GPCPD1: variants seen among roughly 807,000 people sequenced by gnomAD.
The protein encoded by GPCPD1 is glycerophosphocholine phosphodiesterase GPCPD1.
GPCPD1 carries 29 observed loss-of-function variants against 89.2 expected under a neutral mutation model. The observed-to-expected ratio is 0.33, with a 90% CI of 0.24 to 0.44. The LOEUF (loss-of-function observed/expected upper bound fraction) is 0.44. Ranked by LOEUF, GPCPD1 falls within the 20% of genes least tolerant of loss-of-function variation. The pLI is 1.00. For missense variants in GPCPD1, 594 were observed against 808.9 expected (o/e 0.73, Z 3.22); for synonymous variants, 258 against 266.3 (o/e 0.97, Z 0.30).
At chr20:5,593,229 C>T in intron 4 of GPCPD1, 98 bp downstream of exon 4, 1 of 664,594 alleles carries the variant, frequency 1.5e-6, no homozygotes, top group Admixed American at 2.4e-5. Flanking sequence ...CTTATTTGAC[C>T]AAAGCAAATG....
intron 4 of GPCPD1, among the ~76,000 whole-genome samples, chr20:5,587,360 TATATTACAC>T (rs1370298077): frequency 6.6e-6 from 1 of 152,090 alleles, no homozygotes; most frequent in African/African-American, 2.4e-5. Flanking sequence ...TTCTAGGCAT[TATATTACAC>T]ATACTCTTTT....
intron 10 of GPCPD1, 43 bp downstream of exon 10, chr20:5,575,370 T>TA: frequency 6.9e-7 from 1 of 1,450,450 alleles, no homozygotes; most frequent in Non-Finnish European, 9.5e-7. Flanking sequence ...CTACCGAACA[T>TA]AAGCTACACC....
intron 1 of GPCPD1, among the ~76,000 whole-genome samples, chr20:5,610,096 T>C (rs1044886446): frequency 4.6e-5 from 7 of 152,186 alleles, no homozygotes; most frequent in Non-Finnish European, 7.3e-5. Context: ...TCCTCTACAA[T>C]TCATGCCCGA....
At chr20:5,551,843 G>A (rs946383424) in intron 19 of GPCPD1, among the ~76,000 whole-genome samples, 19 of 152,162 alleles carry the variant, frequency 1.2e-4, no homozygotes, top group Admixed American at 7.2e-4. Flanking sequence ...AAAATGATAT[G>A]TAGCAGTTGA....
Position 5,564,195 on chromosome 20 carries a change from T to C in GPCPD1, c.1329+822A>G, listed in dbSNP as rs148613063. Among the ~76,000 whole-genome samples, 777 of 152,228 alleles carry C rather than the reference T, an allele frequency of 5.1e-3. 3 individuals carry two copies. Among genetic ancestry groups the C allele is most frequent in the Non-Finnish European group, 7.6e-3 (518 of 68,026 alleles). Reference sequence around the variant, plus strand: ...AGTTTTTAAGTCTTCATGCTAGTTTTTGTGTGAAGATCTATTTTTTCAGAG... The same window carrying C: ...AGTTTTTAAGTCTTCATGCTAGTTTCTGTGTGAAGATCTATTTTTTCAGAG... On this transcript the variant is annotated intron_variant, in intron 15 of 19. Transcript: ENST00000379019.
intron 10 of GPCPD1, chr20:5,574,244 T>A (rs893856659): frequency 7.5e-6 from 3 of 398,750 alleles, no homozygotes; most frequent in African/African-American, 6.2e-5. Context: ...TGGAGACATG[T>A]AAAGTGATCA....
At chr20:5,561,583 TAAGAA>T in intron 15 of GPCPD1, 53 bp from the exon 16 acceptor site, 1 of 812,984 alleles carries the variant, frequency 1.2e-6, no homozygotes, top group Non-Finnish European at 2.1e-6. Flanking sequence ...GATAGCAGAA[TAAGAA>T]AACAAAAAAA....
chr20:5,551,032 ATTAC>A (rs1371502693), intron 19 of GPCPD1, among the ~76,000 whole-genome samples: 4 of 152,218 alleles, frequency 2.6e-5, no homozygotes, highest in African/African-American at 9.6e-5. Flanking sequence ...GAACTGGCAT[ATTAC>A]TTAAATATGG....
intron 12 of GPCPD1, among the ~76,000 whole-genome samples, chr20:5,569,148 C>G (rs986224696): frequency 6.7e-6 from 1 of 149,834 alleles, no homozygotes; most frequent in African/African-American, 2.4e-5. Flanking sequence ...CTCCTAATAC[C>G]ATTTCGCAGA....
intron 12 of GPCPD1, among the ~76,000 whole-genome samples, chr20:5,569,570 T>C (rs2122629295): frequency 6.6e-6 from 1 of 152,166 alleles, no homozygotes; most frequent in South Asian, 2.1e-4. Context: ...ACCTTTCCTG[T>C]AGCCCACATT....
chr20:5,555,662 C>G (rs891919726), intron 19 of GPCPD1, among the ~76,000 whole-genome samples: 3 of 152,178 alleles, frequency 2.0e-5, no homozygotes, highest in African/African-American at 7.2e-5. Flanking sequence ...AGTTCAAGAA[C>G]CTGGCCAACA....
chr20:5,563,192 G>C (rs1163334053), intron 15 of GPCPD1, among the ~76,000 whole-genome samples: 1 of 152,056 alleles, frequency 6.6e-6, no homozygotes, highest in African/African-American at 2.4e-5. Context: ...TGTTAGCCAG[G>C]ATGATCTTGA....
At position 5,567,588 on chromosome 20, in the gene GPCPD1, A is replaced by T. The variant is rs377719612; in HGVS notation, c.1150-28T>A. 7.8e-5 allele frequency: 118 copies of T among 1,522,532 alleles called. No individual in the cohort carries two copies. The African/African-American group carries it at 1.6e-3, about 20-fold the overall frequency. 94.3% of individuals were successfully genotyped at this position (1,522,532 alleles called of 1,614,324 possible). On this transcript the variant is annotated intron_variant, in intron 12 of 19. Transcript: ENST00000379019. ...AAAAAAAAAAAAAAAAGAAAGAAAG[A>T]AAAAGAAAGAATAAAGAAAATTAAG...
chr20:5,583,485 C>T (rs1978699651), intron 6 of GPCPD1, among the ~76,000 whole-genome samples: 1 of 151,506 alleles, frequency 6.6e-6, no homozygotes, highest in Non-Finnish European at 1.5e-5. Flanking sequence ...GGGTCGGAGG[C>T]TGCAGTGAGC....
At chr20:5,594,041 A>T (rs1169303829) in intron 3 of GPCPD1, among the ~76,000 whole-genome samples, 1 of 152,220 alleles carries the variant, frequency 6.6e-6, no homozygotes, top group Non-Finnish European at 1.5e-5. Flanking sequence ...TCTCTGAACT[A>T]TGTTATTCTA....
At chr20:5,554,939 T>C (rs775700031) in intron 19 of GPCPD1, among the ~76,000 whole-genome samples, 32 of 152,200 alleles carry the variant, frequency 2.1e-4, no homozygotes, top group Non-Finnish European at 8.8e-5. Context: ...TCCTCATAGA[T>C]GCCAGAGGGG....
Position 5,560,073 on chromosome 20 carries a change from C to T in GPCPD1, c.1399G>A (p.Gly467Arg). The change falls in exon 17 of 20, where the codon GGA becomes AGA. Residue 467 changes from glycine (G) to arginine (R), a missense_variant. By Grantham distance (125) the Gly-to-Arg change is moderately radical. Coordinates refer to ENST00000379019, the MANE Select transcript of GPCPD1 (RefSeq NM_019593.5). ...EIKWICQQRD[G>R]MWDGNLSTYF... The stretch of plus-strand genomic sequence containing the variant: ...GTTGATAAGTTACCATCCCACATTC[C>T]ATCCTAGTGAAAGAGAAAGCAAAAT... 6.5e-7 allele frequency: 1 copy of T among 1,540,370 alleles called. No homozygotes were observed. The highest frequency in any genetic ancestry group is 8.7e-7 in the Non-Finnish European group (1 of 1,147,260).
intron 1 of GPCPD1, among the ~76,000 whole-genome samples, chr20:5,606,145 T>C (rs1311950685): frequency 2.0e-5 from 3 of 152,180 alleles, no homozygotes; most frequent in Admixed American, 2.0e-4. Context: ...CTAACTTAAG[T>C]ACCTAAAGGA....
intron 16 of GPCPD1, 115 bp from the exon 17 acceptor site, chr20:5,560,191 A>G (rs1041416690): frequency 3.4e-6 from 2 of 585,338 alleles, no homozygotes; most frequent in African/African-American, 3.9e-5. Context: ...ATCTAGTCCA[A>G]CTACTATTTT....
Sources: allele counts gnomAD v4.1 joint callset (sites outside exome capture counted in the v4.1 genomes callset), GRCh38; gene constraint gnomAD v4.1.1; transcripts MANE v1.5; gene names NCBI Gene and HGNC (gene_info 2026-07-23, HGNC 2026-07-21).